MAP7D3: variants seen among roughly 807,000 people sequenced by gnomAD.
MAP7D3 encodes MAP7 domain containing 3.
MAP7D3 carries 45 observed loss-of-function variants against 62.2 expected under a neutral mutation model. That is an observed-to-expected ratio of 0.72 (90% CI 0.57 to 0.93). The LOEUF (loss-of-function observed/expected upper bound fraction) is 0.93. MAP7D3 is among the 40% of genes least tolerant of loss of function. The pLI is 0.00. For synonymous variants in MAP7D3, 288 were observed against 248.8 expected (o/e 1.16, Z -1.48); for missense variants, 711 against 683.1 (o/e 1.04, Z -0.45).
chrX:136,252,098 G>C (rs1232181833), upstream of MAP7D3, among the ~76,000 whole-genome samples: 1 of 111,939 alleles, frequency 8.9e-6, no homozygotes, highest in Non-Finnish European at 1.9e-5. Context: ...TTAAGGGGCA[G>C]ACCTCACTTC....
chrX:136,233,470 C>T (rs1442161729), intron 7 of MAP7D3, among the ~76,000 whole-genome samples: 2 of 107,234 alleles, frequency 1.9e-5, no homozygotes, highest in African/African-American at 6.8e-5. Context: ...GACGGGGTTT[C>T]ACCATGTTGG....
intron 7 of MAP7D3, among the ~76,000 whole-genome samples, chrX:136,235,610 G>A (rs1371147679): frequency 1.8e-5 from 2 of 111,040 alleles, no homozygotes; most frequent in Non-Finnish European, 3.8e-5. Context: ...TTAGCCAGGC[G>A]TGGTGGCAGG....
chrX:136,228,706 T>C lies in MAP7D3; in HGVS notation c.1803A>G (p.Lys601=). Reference sequence around the variant, plus strand: ...CAAGGCGGCGCAATTCTGTCAAAATTTTTGTTGCCGCCTCGGCATTCATAA... The same window carrying C: ...CAAGGCGGCGCAATTCTGTCAAAATCTTTGTTGCCGCCTCGGCATTCATAA... The part of the protein sequence containing the change: ...AGIMNAEAAT[K]ILTELRRLAR... Residue 601 remains lysine, a synonymous_variant, in exon 11 of 19, where the codon AAA becomes AAG. Coordinates refer to ENST00000316077, the MANE Select transcript of MAP7D3 (RefSeq NM_024597.4). 8.3e-7 allele frequency: 1 copy of C among 1,205,951 alleles called. No individual in the cohort carries two copies. Among genetic ancestry groups the C allele is most frequent in the Non-Finnish European group, 1.1e-6 (1 of 891,552 alleles).
At chrX:136,246,005 A>G in intron 3 of MAP7D3, 60 bp downstream of exon 3, 1 of 811,483 alleles carries the variant, frequency 1.2e-6, no homozygotes, top group Non-Finnish European at 1.8e-6. Context: ...ATAAGTTAAA[A>G]ACACTTTGCA....
At chrX:136,218,857 A>G (rs998040817) in intron 18 of MAP7D3, among the ~76,000 whole-genome samples, 1 of 105,631 alleles carries the variant, frequency 9.5e-6, no homozygotes, top group African/African-American at 3.4e-5. Flanking sequence ...TGAAAAGATC[A>G]TTTTTTTTTT....
In MAP7D3 at chrX:136,230,525, G is replaced by T. The variant is rs1182835994; in HGVS notation, c.1610C>A (p.Ser537Tyr). 3 of 1,198,753 alleles carry T rather than the reference G, an allele frequency of 2.5e-6. No individual in the cohort carries two copies. Among genetic ancestry groups the T allele is most frequent in the Non-Finnish European group, 3.4e-6 (3 of 883,691 alleles). Residue 537 changes from serine to tyrosine, a missense_variant, in exon 10 of 19, where the codon TCT (serine) becomes TAT (tyrosine). Ser to Tyr is a moderately radical substitution (Grantham distance 144). Coordinates refer to ENST00000316077, the MANE Select transcript of MAP7D3 (RefSeq NM_024597.4). ...PLISKQSPQTSFPYKIMPIQH... is the reference protein window; with the variant it reads ...PLISKQSPQTYFPYKIMPIQH... The stretch of plus-strand genomic sequence containing the variant: ...AATAGGCATTATTTTATAAGGAAAA[G>T]AAGTCTGTGGTGACTGTTTTGAAAT...
chrX:136,228,253 T>C (rs534344389), intron 11 of MAP7D3, among the ~76,000 whole-genome samples: 1 of 112,081 alleles, frequency 8.9e-6, no homozygotes, highest in African/African-American at 3.2e-5. Flanking sequence ...AAAATCCTGA[T>C]GTTACAAGTC....
In MAP7D3 at chrX:136,240,507, T is replaced by C. The variant is rs763464871; in HGVS notation, c.536-21A>G. 2.7e-5 allele frequency: 26 copies of C among 965,196 alleles called. No individual in the cohort carries two copies. The East Asian group carries it at 7.0e-4, about 26-fold the overall frequency. The allele number at this position is 965,196 out of a possible 1,213,427, so 79.5% of individuals were successfully genotyped here. ...ATTGGCTGAGAAAAGACATAATACT[T>C]ACTGTAATCATATTTCAAGGAGGAA... On this transcript the variant is annotated intron_variant, in intron 5 of 18. Coordinates refer to ENST00000316077, the MANE Select transcript of MAP7D3 (RefSeq NM_024597.4).
upstream of MAP7D3, among the ~76,000 whole-genome samples, chrX:136,254,009 G>T (rs756784684): frequency 9.1e-6 from 1 of 109,397 alleles, no homozygotes; most frequent in Non-Finnish European, 1.9e-5. Flanking sequence ...TTTGTCTCAC[G>T]AACACAAAAA....
intron 1 of MAP7D3, among the ~76,000 whole-genome samples, chrX:136,247,758 C>A (rs1015724672): frequency 1.8e-5 from 2 of 111,340 alleles, no homozygotes; most frequent in Non-Finnish European, 3.8e-5. Context: ...AACAAAAATT[C>A]TTGGTCTATA....
upstream of MAP7D3, among the ~76,000 whole-genome samples, chrX:136,254,187 C>G (rs771833129): frequency 9.3e-6 from 1 of 107,608 alleles, no homozygotes. Flanking sequence ...TGGGTTCAAG[C>G]GATTCTCCTG....
Position 136,226,018 on chromosome X carries a change from G to C in MAP7D3, c.2035-5C>G. ...TTTTATTTTGGCGTCCCCTTTCTAG[G>C]AAATTTGCATAAAAATATCATTCAA... On this transcript the variant is annotated splice_region_variant and splice_polypyrimidine_tract_variant and intron_variant, in intron 12 of 18. Transcript: ENST00000316077. The C allele has an allele frequency of 8.7e-7, 1 of 1,147,560 alleles. No individual in the cohort carries two copies. The highest frequency in any genetic ancestry group is 1.2e-6 in the Non-Finnish European group (1 of 844,781). 94.6% of individuals were successfully genotyped at this position (1,147,560 alleles called of 1,213,427 possible).
At position 136,232,202 on chromosome X, in the gene MAP7D3, T is replaced by C; in HGVS notation, c.755A>G (p.Tyr252Cys). The C allele has an allele frequency of 8.3e-7, 1 of 1,198,859 alleles. No individual in the cohort carries two copies. Among genetic ancestry groups the C allele is most frequent in the Non-Finnish European group, 1.1e-6 (1 of 885,840 alleles). ...GGGTACAGTGACATACTGCATTACA[T>C]AATTGGTGACGCCTGTAACTGAATG... ...RKPRVTGVTN[Y>C]VMQYVTVPLR... Residue 252 changes from tyrosine (Y) to cysteine (C), a missense_variant, in exon 8 of 19, where the codon TAT (tyrosine) becomes TGT (cysteine). By Grantham distance (194) the Tyr-to-Cys change is radical. Transcript: ENST00000316077.
At chrX:136,248,718 T>A (rs751571982) in intron 1 of MAP7D3, among the ~76,000 whole-genome samples, 1 of 112,528 alleles carries the variant, frequency 8.9e-6, no homozygotes, top group East Asian at 2.8e-4. Flanking sequence ...TTTCACCATT[T>A]ACAAAGTTCA....
chrX:136,243,314 C>T (rs1295079116), intron 4 of MAP7D3, among the ~76,000 whole-genome samples: 1 of 111,953 alleles, frequency 8.9e-6, no homozygotes, highest in East Asian at 2.8e-4. Context: ...GAAGCTAAGA[C>T]AAAGACAGAA....
intron 1 of MAP7D3, among the ~76,000 whole-genome samples, chrX:136,249,567 C>T (rs943980104): frequency 4.5e-5 from 5 of 112,018 alleles, no homozygotes; most frequent in Admixed American, 9.5e-5. Context: ...TATATATATA[C>T]ATGTATCTAT....
At chrX:136,228,303 C>T in intron 11 of MAP7D3, among the ~76,000 whole-genome samples, 1 of 112,029 alleles carries the variant, frequency 8.9e-6, no homozygotes, top group Non-Finnish European at 1.9e-5. Flanking sequence ...ACGAACTGAT[C>T]TGTTCTTATA....
intron 14 of MAP7D3, among the ~76,000 whole-genome samples, chrX:136,223,047 G>T (rs2074149729): frequency 9.0e-6 from 1 of 110,950 alleles, no homozygotes; most frequent in Non-Finnish European, 1.9e-5. Context: ...TCACTGTGTT[G>T]TTCAGGCTGG....
intron 10 of MAP7D3, among the ~76,000 whole-genome samples, chrX:136,229,602 A>G (rs1246623264): frequency 6.4e-5 from 7 of 110,215 alleles, no homozygotes; most frequent in African/African-American, 2.3e-4. Context: ...AAATCTTAGG[A>G]AAAACCTGCT....
Sources: gnomAD v4.1 joint callset for allele counts (sites outside exome capture counted in the v4.1 genomes callset) on GRCh38, gnomAD v4.1.1 for gene constraint, MANE v1.5 for transcripts, NCBI Gene and HGNC (gene_info 2026-07-23, HGNC 2026-07-21) for gene names.